The following MACROD2 variants were observed in gnomAD, a reference collection of about 807,000 sequenced individuals.
The protein encoded by MACROD2 is ADP-ribose glycohydrolase MACROD2.
MACROD2 carries 36 observed loss-of-function variants against 70.4 expected under a neutral mutation model. That is an observed-to-expected ratio of 0.51 (90% CI 0.39 to 0.68). The LOEUF is 0.68. MACROD2 is among the 30% of genes least tolerant of loss of function. MACROD2 has a pLI of 0.00. For missense variants in MACROD2, 496 were observed against 538.4 expected (o/e 0.92, Z 0.78); for synonymous variants, 172 against 178.8 (o/e 0.96, Z 0.30).
intron 12 of MACROD2, among the ~76,000 whole-genome samples, chr20:15,958,168 A>G (rs947973041): frequency 6.6e-6 from 1 of 152,214 alleles, no homozygotes. Context: ...TATTATACAC[A>G]GAACTGATAT....
At chr20:14,052,124 G>A in intron 2 of MACROD2, 2 of 358,140 alleles carry the variant, frequency 5.6e-6, no homozygotes, top group Non-Finnish European at 1.1e-5. Context: ...AGGAAGATGG[G>A]TGTGTTGGGG....
chr20:14,601,111 A>G (rs563401923), intron 4 of MACROD2, among the ~76,000 whole-genome samples: 12 of 152,176 alleles, frequency 7.9e-5, no homozygotes, highest in Non-Finnish European at 1.6e-4. Context: ...AGCCTACAGC[A>G]TCTGGCTCCT....
At chr20:15,291,962 T>A (rs2077544562) in intron 6 of MACROD2, among the ~76,000 whole-genome samples, 1 of 152,218 alleles carries the variant, frequency 6.6e-6, no homozygotes, top group African/African-American at 2.4e-5. Flanking sequence ...AACATCCCTG[T>A]GATTGTTGCA....
chr20:15,381,955 A>G (rs1374927284), intron 6 of MACROD2, among the ~76,000 whole-genome samples: 1 of 152,184 alleles, frequency 6.6e-6, no homozygotes, highest in East Asian at 1.9e-4. Flanking sequence ...AGTATTACTA[A>G]AGGGAATTCC....
chr20:14,285,110 A>T (rs1035011831), intron 3 of MACROD2, among the ~76,000 whole-genome samples: 3 of 152,162 alleles, frequency 2.0e-5, no homozygotes, highest in Non-Finnish European at 4.4e-5. Flanking sequence ...GAAAGGAAAG[A>T]AAAAAATACA....
intron 4 of MACROD2, among the ~76,000 whole-genome samples, chr20:14,608,693 A>T (rs1238674686): frequency 6.6e-6 from 1 of 152,192 alleles, no homozygotes. Context: ...GAGAGCGACA[A>T]GTGTCAGTAT....
chr20:15,365,493 G>T (rs2045396249), intron 6 of MACROD2, among the ~76,000 whole-genome samples: 1 of 151,792 alleles, frequency 6.6e-6, no homozygotes, highest in Non-Finnish European at 1.5e-5. Context: ...ATGAAACCCT[G>T]TACTAAAAAT....
At chr20:14,769,600 C>T (rs1235707702) in intron 5 of MACROD2, among the ~76,000 whole-genome samples, 1 of 152,022 alleles carries the variant, frequency 6.6e-6, no homozygotes. Flanking sequence ...GCATCAGAGT[C>T]AAAACACTCA....
intron 6 of MACROD2, among the ~76,000 whole-genome samples, chr20:15,247,204 C>T (rs1377405200): frequency 1.3e-5 from 2 of 152,126 alleles, no homozygotes; most frequent in Admixed American, 1.3e-4. Context: ...AATTATATTA[C>T]AATTTAAAAT....
intron 3 of MACROD2, among the ~76,000 whole-genome samples, chr20:14,231,637 T>C (rs2122206860): frequency 6.6e-6 from 1 of 152,278 alleles, no homozygotes; most frequent in African/African-American, 2.4e-5. Flanking sequence ...TGATTTATAA[T>C]CCTTTGGGTA....
chr20:14,756,723 T>G (rs1455301307), intron 5 of MACROD2, among the ~76,000 whole-genome samples: 1 of 150,790 alleles, frequency 6.6e-6, no homozygotes, highest in African/African-American at 2.5e-5. Flanking sequence ...TTCTGAATCT[T>G]GACAATGTTA....
rs114160087 is a variant in MACROD2, at chr20:15,006,201, A to C, written c.419-223739A>C. On this transcript the variant is annotated intron_variant, in intron 5 of 17. Transcript: ENST00000684519. Reference sequence around the variant, plus strand: ...TGTGTGTACGTTGGAATATTATGCAACCTTAAAAAGAGGGAAATCCTGGAG... The same window carrying C: ...TGTGTGTACGTTGGAATATTATGCACCCTTAAAAAGAGGGAAATCCTGGAG... 4.8e-3 allele frequency among the ~76,000 whole-genome samples: 710 copies of C among 147,294 alleles called. 3 individuals carry two copies. Among genetic ancestry groups the C allele is most frequent in the Non-Finnish European group, 8.5e-3 (573 of 67,164 alleles).
At chr20:15,443,644 A>G (rs1465709733) in intron 7 of MACROD2, among the ~76,000 whole-genome samples, 1 of 152,148 alleles carries the variant, frequency 6.6e-6, no homozygotes, top group East Asian at 1.9e-4. Context: ...CATTCTGGTA[A>G]TTGTGACTTA....
intron 3 of MACROD2, among the ~76,000 whole-genome samples, chr20:14,414,340 C>T (rs1408071720): frequency 6.6e-6 from 1 of 152,104 alleles, no homozygotes; most frequent in African/African-American, 2.4e-5. Context: ...TTACTTTTCT[C>T]TTTTTCTCAC....
At chr20:15,192,012 A>G (rs2076574916) in intron 5 of MACROD2, among the ~76,000 whole-genome samples, 1 of 112,570 alleles carries the variant, frequency 8.9e-6, no homozygotes, top group Non-Finnish European at 1.8e-5. Context: ...TCTATTAACT[A>G]TGTATCTATC....
At chr20:14,479,663 G>T (rs1205171331) in intron 3 of MACROD2, among the ~76,000 whole-genome samples, 3 of 152,064 alleles carry the variant, frequency 2.0e-5, no homozygotes, top group Admixed American at 1.3e-4. Context: ...AGCAGGAGTG[G>T]GTGGGAGGAG....
At chr20:15,456,385 A>G (rs1600437666) in intron 7 of MACROD2, among the ~76,000 whole-genome samples, 2 of 152,094 alleles carry the variant, frequency 1.3e-5, no homozygotes, top group Admixed American at 1.3e-4. Context: ...CACACCCATT[A>G]ATGACTCTTC....
intron 3 of MACROD2, among the ~76,000 whole-genome samples, chr20:14,431,178 A>G (rs1482134985): frequency 6.6e-6 from 1 of 152,160 alleles, no homozygotes; most frequent in Non-Finnish European, 1.5e-5. Flanking sequence ...AAATAAATAC[A>G]TAAATTTAAT....
intron 5 of MACROD2, among the ~76,000 whole-genome samples, chr20:15,185,240 C>A (rs1744502567): frequency 6.6e-6 from 1 of 152,046 alleles, no homozygotes; most frequent in Admixed American, 6.5e-5. Context: ...ACAGACTCAC[C>A]ATTTGAGAAG....
Sources: allele counts gnomAD v4.1 joint callset (sites outside exome capture counted in the v4.1 genomes callset), GRCh38; gene constraint gnomAD v4.1.1; transcripts MANE v1.5; gene names NCBI Gene and HGNC (gene_info 2026-07-23, HGNC 2026-07-21).